The following GNG2 variants were observed in gnomAD, a reference collection of about 807,000 sequenced individuals.
The protein encoded by GNG2 is G protein subunit gamma 2.
A neutral mutation model predicts 5.5 loss-of-function variants in GNG2; 5 were observed. That is an observed-to-expected ratio of 0.91 (90% confidence interval 0.48 to 1.92). The LOEUF (loss-of-function observed/expected upper bound fraction) is 1.92. Among genes scored for constraint, GNG2 ranks in the 30% most tolerant of loss-of-function variants. GNG2 has a pLI of 0.01. For missense variants in GNG2, 55 were observed against 88.4 expected (o/e 0.62, Z 1.52); for synonymous variants, 28 against 32.0 (o/e 0.88, Z 0.42).
chr14:51,838,678 T>TTA (rs1881405964), intron 2 of GNG2, among the ~76,000 whole-genome samples: 2 of 152,206 alleles, frequency 1.3e-5, no homozygotes, highest in Admixed American at 1.3e-4. Context: ...AAACTCCCGT[T>TTA]TATATATACA....
At chr14:51,950,246 A>T (rs1020112111) in intron 2 of GNG2, among the ~76,000 whole-genome samples, 4 of 152,190 alleles carry the variant, frequency 2.6e-5, no homozygotes, top group Admixed American at 6.5e-5. Flanking sequence ...TTTAATTTCA[A>T]ATAGAGTGGG....
upstream of GNG2, among the ~76,000 whole-genome samples, chr14:51,856,224 G>C (rs1036756151): frequency 6.6e-6 from 1 of 151,964 alleles, no homozygotes; most frequent in African/African-American, 2.4e-5. Flanking sequence ...CATGGCGGGG[G>C]AGGAGAGAGA....
intron 1 of GNG2, among the ~76,000 whole-genome samples, chr14:51,875,939 A>ATTTTTTT: frequency 1.2e-5 from 1 of 83,642 alleles, no homozygotes; most frequent in South Asian, 3.8e-4. Context: ...TCATTTAAAC[A>ATTTTTTT]TTTTTTTCTT....
chr14:51,856,533 A>T (rs7157011), upstream of GNG2, among the ~76,000 whole-genome samples: 1 of 152,010 alleles, frequency 6.6e-6, no homozygotes, highest in Admixed American at 6.5e-5. Flanking sequence ...CCTGGGTTCA[A>T]GTGATTCTCC....
chr14:51,863,494 C>T (rs1444197280), intron 1 of GNG2, among the ~76,000 whole-genome samples: 9 of 152,192 alleles, frequency 5.9e-5, no homozygotes, highest in Admixed American at 5.9e-4. Context: ...CACTGCCTCA[C>T]AGGTTTAGGG....
Position 51,844,241 on chromosome 14 carries a change from C to T in GNG2, c.64+16434C>T, listed in dbSNP as rs571882339. 8.5e-5 allele frequency among the ~76,000 whole-genome samples: 13 copies of T among 152,316 alleles called. 1 individual carries two copies. The highest frequency in any genetic ancestry group is 6.5e-4 in the Admixed American group (10 of 15,300). On this transcript the variant is annotated intron_variant, in intron 2 of 3. Coordinates refer to the GNG2 transcript ENST00000553432. ...CCCTCTAGGGACCCAGTCCCCTTAACAATATTTGATTCTCTGTCATAACTC... is the reference window on the plus strand; with the variant it reads ...CCCTCTAGGGACCCAGTCCCCTTAATAATATTTGATTCTCTGTCATAACTC...
At chr14:51,948,404 T>G (rs1888764663) in intron 2 of GNG2, among the ~76,000 whole-genome samples, 1 of 152,194 alleles carries the variant, frequency 6.6e-6, no homozygotes, top group Non-Finnish European at 1.5e-5. Flanking sequence ...ATTTGGTAAT[T>G]CTGTGATAGT....
rs12147482 is a variant in GNG2, at chr14:51,830,552, G to T, written c.64+2745G>T. The stretch of plus-strand genomic sequence containing the variant: ...GTCTCCTGGCTCAGCAAATAAAAAT[G>T]CTCTATATCCTTCTAATTAAGCCAA... On this transcript the variant is annotated intron_variant, in intron 2 of 3. Transcript: ENST00000553432. 4.6e-5 allele frequency among the ~76,000 whole-genome samples: 7 copies of T among 152,124 alleles called. No individual in the cohort carries two copies. In the South Asian group the frequency reaches 1.2e-3, roughly 27 times the overall value.
chr14:51,827,203 G>T (rs975674795), intron 1 of GNG2, among the ~76,000 whole-genome samples: 1 of 152,220 alleles, frequency 6.6e-6, no homozygotes, highest in African/African-American at 2.4e-5. Context: ...CACGGGCACA[G>T]ATGTCAATAC....
rs530770017 is a variant in GNG2 at position 51,932,798 on chromosome 14, G to A, written c.-29-17852G>A. Among the ~76,000 whole-genome samples, 5 of 151,616 alleles carry A rather than the reference G, an allele frequency of 3.3e-5. No individual in the cohort carries two copies. The East Asian group carries it at 9.7e-4, about 29-fold the overall frequency. On this transcript the variant is annotated intron_variant, in intron 2 of 3. Transcript: ENST00000556766. ...CTAAAGTATCGGGTCCTAATCCTTA[G>A]AATCCATAAATGTTAATTATAAGGA...
At chr14:51,880,967 G>GCAAAAAAAAAAAA (rs1884016513) in intron 2 of GNG2, among the ~76,000 whole-genome samples, 1 of 101,984 alleles carries the variant, frequency 9.8e-6, no homozygotes, top group Non-Finnish European at 1.9e-5. Context: ...CAAAAAAAAA[G>GCAAAAAAAAAAAA]AAAAAAAAAA....
intron 2 of GNG2, among the ~76,000 whole-genome samples, chr14:51,852,189 A>G (rs1460981580): frequency 1.3e-5 from 2 of 152,328 alleles, no homozygotes; most frequent in African/African-American, 4.8e-5. Flanking sequence ...AATCATAAAC[A>G]ATAATGTATA....
chr14:51,932,246 CAAAAAAAA>C (rs781725794), intron 2 of GNG2, among the ~76,000 whole-genome samples: 34 of 23,200 alleles, frequency 1.5e-3, no homozygotes, highest in Non-Finnish European at 2.1e-3. Flanking sequence ...GACTCTGTCT[CAAAAAAAA>C]AAAAAAAAAA....
At chr14:51,958,238 C>T (rs1171370462) in intron 3 of GNG2, among the ~76,000 whole-genome samples, 1 of 152,150 alleles carries the variant, frequency 6.6e-6, no homozygotes, top group Non-Finnish European at 1.5e-5. Context: ...CTAAGCTCCC[C>T]TTGTTTTCCC....
At chr14:51,847,523 C>A (rs894004511) in intron 2 of GNG2, 3 of 152,114 alleles carry the variant, frequency 2.0e-5, no homozygotes, top group African/African-American at 7.2e-5. Flanking sequence ...GTCTTGTTTC[C>A]TGTCACATCC....
rs376057283 is a variant in GNG2 at position 51,898,704 on chromosome 14, G to A, written c.-30+21047G>A. ...TTGCAGAGCCCTCGAACTCTGTAACGTTCCAACCTCTGAGATGAGGAATGT... is the reference window on the plus strand; with the variant it reads ...TTGCAGAGCCCTCGAACTCTGTAACATTCCAACCTCTGAGATGAGGAATGT... On this transcript the variant is annotated intron_variant, in intron 2 of 3. Coordinates refer to ENST00000556766, the MANE Select transcript of GNG2 (RefSeq NM_053064.5). Among the ~76,000 whole-genome samples, 45 of 152,298 alleles carry A rather than the reference G, an allele frequency of 3.0e-4. 1 individual carries two copies. The Middle Eastern group carries it at 0.017, about 58-fold the overall frequency.
In GNG2 at chr14:51,936,902, G is replaced by T. The variant is rs144467545; in HGVS notation, c.-29-13748G>T. 1.1e-4 allele frequency among the ~76,000 whole-genome samples: 16 copies of T among 152,226 alleles called. No homozygotes were observed. In the East Asian group the frequency reaches 2.7e-3, roughly 26 times the overall value. ...AAACTGACTTTAAAAAATAATATCT[G>T]TAAGATAAACTCCTGGTCATCAAGT... On this transcript the variant is annotated intron_variant, in intron 2 of 3. Coordinates refer to ENST00000556766, the MANE Select transcript of GNG2 (RefSeq NM_053064.5).
At chr14:51,876,870 T>C (rs553748679) in intron 1 of GNG2, among the ~76,000 whole-genome samples, 1 of 152,208 alleles carries the variant, frequency 6.6e-6, no homozygotes, top group Non-Finnish European at 1.5e-5. Flanking sequence ...TCTCAGACAC[T>C]GCAAAATAGG....
At position 51,959,682 on chromosome 14, in the gene GNG2, G is replaced by C. The variant is rs76657768; in HGVS notation, c.88-6877G>C. ...GTGCTTCGTTAGAATGTAAGTCAATGGGTCACCATTTATTTTATTGTAACT... is the reference window on the plus strand; with the variant it reads ...GTGCTTCGTTAGAATGTAAGTCAATCGGTCACCATTTATTTTATTGTAACT... On this transcript the variant is annotated intron_variant, in intron 3 of 3. Transcript: ENST00000556766. Among the ~76,000 whole-genome samples the C allele has an allele frequency of 9.1e-3, 1,382 of 151,870 alleles. 29 individuals are homozygous for C. The highest frequency in any genetic ancestry group is 0.031 in the African/African-American group (1,298 of 41,426).
Sources: allele counts gnomAD v4.1 joint callset (sites outside exome capture counted in the v4.1 genomes callset), GRCh38; gene constraint gnomAD v4.1.1; transcripts MANE v1.5; gene names NCBI Gene and HGNC (gene_info 2026-07-23, HGNC 2026-07-21).